Variants in PARD3B observed in about 807,000 individuals in gnomAD.
PARD3B encodes par-3 family cell polarity regulator beta.
PARD3B carries 103 observed loss-of-function variants against 130.2 expected under a neutral mutation model. The observed-to-expected ratio is 0.79, with a 90% CI of 0.67 to 0.93. The LOEUF (loss-of-function observed/expected upper bound fraction) is 0.93. Among genes scored for constraint, PARD3B ranks in the 40% least tolerant of loss-of-function variants. The probability of loss-of-function intolerance (pLI) is 0.00; values close to 1 mark genes in which losing one functional copy is unlikely to be tolerated. For missense variants in PARD3B, 1,609 were observed against 1,499.2 expected (o/e 1.07, Z -1.21); for synonymous variants, 583 against 553.2 (o/e 1.05, Z -0.76).
chr2:205,174,916 G>A (rs1329930030), intron 12 of PARD3B, among the ~76,000 whole-genome samples: 2 of 152,188 alleles, frequency 1.3e-5, no homozygotes, highest in Non-Finnish European at 2.9e-5. Flanking sequence ...GGATGAGCTT[G>A]AGGTTCAATT....
At chr2:204,553,678 A>G (rs60277413) in intron 1 of PARD3B, among the ~76,000 whole-genome samples, 1 of 124,990 alleles carries the variant, frequency 8.0e-6, no homozygotes, top group Non-Finnish European at 1.6e-5. Context: ...ATATATATAT[A>G]TATATATATA....
At chr2:205,234,322 G>A (rs2038970110) in intron 15 of PARD3B, among the ~76,000 whole-genome samples, 1 of 152,112 alleles carries the variant, frequency 6.6e-6, no homozygotes, top group African/African-American at 2.4e-5. Context: ...CCACTTTAGA[G>A]ACACAAGTAA....
chr2:204,985,028 A>G (rs1301503969), intron 3 of PARD3B, among the ~76,000 whole-genome samples: 1 of 151,698 alleles, frequency 6.6e-6, no homozygotes, highest in Admixed American at 6.6e-5. Context: ...TGGCACGTCT[A>G]ATAATGATTA....
chr2:204,546,232 C>T (rs1322170883), intron 1 of PARD3B, 113 bp downstream of exon 1: 6 of 1,413,716 alleles, frequency 4.2e-6, no homozygotes, highest in Non-Finnish European at 5.8e-6. Context: ...GGGGCACTGC[C>T]TGTAGCTGCA....
chr2:204,965,634 C>A (rs1427393525), intron 3 of PARD3B, among the ~76,000 whole-genome samples: 1 of 152,064 alleles, frequency 6.6e-6, no homozygotes, highest in Non-Finnish European at 1.5e-5. Flanking sequence ...CTGAAAAAAA[C>A]TCATTTGGGA....
At chr2:205,279,745 A>G (rs1033554016) in intron 16 of PARD3B, among the ~76,000 whole-genome samples, 5 of 152,120 alleles carry the variant, frequency 3.3e-5, no homozygotes, top group Non-Finnish European at 5.9e-5. Context: ...CAGTGAAGGG[A>G]CATCACTTCC....
chr2:205,143,684 A>G (rs866321635), intron 10 of PARD3B, among the ~76,000 whole-genome samples: 16 of 152,170 alleles, frequency 1.1e-4, no homozygotes, highest in African/African-American at 3.9e-4. Flanking sequence ...CCGAGCCAGT[A>G]TTTTAGGGCT....
intron 11 of PARD3B, among the ~76,000 whole-genome samples, chr2:205,166,298 T>C (rs539773123): frequency 1.1e-4 from 17 of 152,224 alleles, no homozygotes; most frequent in South Asian, 4.1e-4. Flanking sequence ...GAGAAAACTA[T>C]GAAAGGAAGG....
At chr2:205,282,626 G>A (rs564798442) in intron 16 of PARD3B, among the ~76,000 whole-genome samples, 1 of 151,576 alleles carries the variant, frequency 6.6e-6, no homozygotes, top group African/African-American at 2.4e-5. Context: ...ATTTGAGAAA[G>A]TATAAATCAG....
chr2:204,982,405 G>A (rs1386769509), intron 3 of PARD3B, among the ~76,000 whole-genome samples: 1 of 152,166 alleles, frequency 6.6e-6, no homozygotes, highest in African/African-American at 2.4e-5. Context: ...GTGTGGCCTA[G>A]ACCAGCTCAG....
intron 15 of PARD3B, among the ~76,000 whole-genome samples, chr2:205,234,479 C>A (rs1182756019): frequency 6.6e-6 from 1 of 152,096 alleles, no homozygotes; most frequent in South Asian, 2.1e-4. Flanking sequence ...GGAACCAAAT[C>A]ATCAAAACAA....
intron 20 of PARD3B, among the ~76,000 whole-genome samples, chr2:205,466,779 C>T (rs1170411485): frequency 6.6e-6 from 1 of 152,238 alleles, no homozygotes; most frequent in Admixed American, 6.5e-5. Flanking sequence ...GTGGCGCAAT[C>T]TCGGCTCACT....
chr2:205,032,371 C>T (rs1697488469), intron 3 of PARD3B, among the ~76,000 whole-genome samples: 2 of 152,054 alleles, frequency 1.3e-5, no homozygotes. Context: ...GCTTAGACAG[C>T]TGGGCTGGTG....
chr2:204,972,588 A>G (rs1295841685), intron 3 of PARD3B, among the ~76,000 whole-genome samples: 1 of 152,226 alleles, frequency 6.6e-6, no homozygotes, highest in Non-Finnish European at 1.5e-5. Flanking sequence ...GTACTCAAAT[A>G]AAATAGAAAA....
In PARD3B at chr2:205,125,690, T is replaced by G. The variant is rs749287759; in HGVS notation, c.1387T>G (p.Ser463Ala). The G allele has an allele frequency of 1.5e-5, 24 of 1,614,146 alleles. No individual in the cohort carries two copies. In the South Asian group the frequency reaches 2.0e-4, roughly 13 times the overall value. ...GAGCACCAAGCAGGGGGAGACAGCA[T>G]CGCTGGTCATTGCCCGCCAAGAAGG... Reference protein sequence around the residue: ...LRSTKQGETASLVIARQEGHF... With the variant: ...LRSTKQGETAALVIARQEGHF... The change falls in exon 10 of 23, where the codon TCG becomes GCG. Residue 463 changes from serine (S) to alanine (A), a missense_variant. Transcript: ENST00000406610. This position sits in a 1 kb window ranked among gnomAD's most constrained non-coding sequence, Gnocchi z 4.0.
chr2:205,323,311 A>G (rs1014659729), intron 18 of PARD3B, among the ~76,000 whole-genome samples: 5 of 152,150 alleles, frequency 3.3e-5, no homozygotes, highest in Admixed American at 3.3e-4. Flanking sequence ...ACTGTATGCT[A>G]TCAGGGTTAA....
intron 18 of PARD3B, among the ~76,000 whole-genome samples, chr2:205,332,370 C>T (rs1217395092): frequency 6.6e-6 from 1 of 151,768 alleles, no homozygotes; most frequent in African/African-American, 2.4e-5. Flanking sequence ...ATGGACAGTT[C>T]CAACTAGTTG....
At chr2:205,547,815 A>G (rs1437681572) in intron 21 of PARD3B, among the ~76,000 whole-genome samples, 1 of 152,216 alleles carries the variant, frequency 6.6e-6, no homozygotes, top group Non-Finnish European at 1.5e-5. Flanking sequence ...CACTGCCTCA[A>G]TTCTATTTTC....
At chr2:205,571,761 A>C (rs899996295) in intron 22 of PARD3B, among the ~76,000 whole-genome samples, 5 of 152,192 alleles carry the variant, frequency 3.3e-5, no homozygotes, top group Non-Finnish European at 7.3e-5. Context: ...CTTATTGGCT[A>C]TTAAATAATG....
Sources: allele counts gnomAD v4.1 joint callset (sites outside exome capture counted in the v4.1 genomes callset), GRCh38; gene constraint gnomAD v4.1.1; non-coding constraint Gnocchi (gnomAD v3.1); transcripts MANE v1.5; gene names NCBI Gene and HGNC (gene_info 2026-07-23, HGNC 2026-07-21).